The following TFCP2L1 variants were observed in gnomAD, a reference collection of about 807,000 sequenced individuals.
The protein encoded by TFCP2L1 is transcription factor CP2 like 1.
TFCP2L1 carries 12 observed loss-of-function variants against 72.2 expected under a neutral mutation model. The ratio of observed to expected loss-of-function variants is 0.17; its 90% CI spans 0.11 to 0.27. The LOEUF (loss-of-function observed/expected upper bound fraction) is 0.27, where lower values mean the gene tolerates loss of function less well. Among genes scored for constraint, TFCP2L1 ranks in the 10% least tolerant of loss-of-function variants. The pLI, the probability that TFCP2L1 is intolerant of heterozygous loss-of-function variation, is 1.00. For synonymous variants in TFCP2L1, 260 were observed against 251.0 expected (o/e 1.04, Z -0.34); for missense variants, 488 against 624.6 (o/e 0.78, Z 2.33).
At chr2:121,249,164 G>A in intron 3 of TFCP2L1, 77 bp from the exon 4 acceptor site, 1 of 1,172,390 alleles carries the variant, frequency 8.5e-7, no homozygotes, top group Non-Finnish European at 1.2e-6. Flanking sequence ...CTGAGCCACA[G>A]TAAACCCTCC....
chr2:121,231,724 T>C, intron 13 of TFCP2L1, 102 bp downstream of exon 13: 1 of 1,507,636 alleles, frequency 6.6e-7, no homozygotes, highest in Non-Finnish European at 8.9e-7. Context: ...GATGAACCTG[T>C]CTGTCACTCC....
At chr2:121,228,137 G>T (rs1686068226) in intron 13 of TFCP2L1, among the ~76,000 whole-genome samples, 1 of 152,212 alleles carries the variant, frequency 6.6e-6, no homozygotes, top group Non-Finnish European at 1.5e-5. Context: ...GAGACTTTGG[G>T]GAATGAGAAT....
intron 12 of TFCP2L1, 45 bp downstream of exon 12, chr2:121,234,046 G>T: frequency 6.5e-7 from 1 of 1,545,020 alleles, no homozygotes; most frequent in Non-Finnish European, 8.9e-7. Context: ...AAGCCAGGCT[G>T]CGGGACCCAA....
At chr2:121,234,733 CT>C (rs1231334662) in intron 11 of TFCP2L1, among the ~76,000 whole-genome samples, 3 of 152,258 alleles carry the variant, frequency 2.0e-5, no homozygotes, top group African/African-American at 7.2e-5. Flanking sequence ...GGTCCAAGTG[CT>C]CCACAGCCAC....
intron 2 of TFCP2L1, among the ~76,000 whole-genome samples, chr2:121,268,604 C>G (rs1686981176): frequency 6.6e-6 from 1 of 152,010 alleles, no homozygotes; most frequent in South Asian, 2.1e-4. Context: ...ATTCTCCAGG[C>G]TATACTGAGG....
intron 6 of TFCP2L1, among the ~76,000 whole-genome samples, chr2:121,246,431 T>G (rs1686483249): frequency 1.3e-5 from 2 of 152,120 alleles, no homozygotes; most frequent in South Asian, 4.2e-4. Flanking sequence ...GACTCTTGCT[T>G]TGATTTTTAA....
Position 121,273,317 on chromosome 2 carries a change from T to C in TFCP2L1, c.214+7803A>G, listed in dbSNP as rs148684763. 1.3e-3 allele frequency among the ~76,000 whole-genome samples: 198 copies of C among 152,196 alleles called. 2 individuals are homozygous for C. The highest frequency in any genetic ancestry group is 4.5e-3 in the African/African-American group (185 of 41,538). ...CCGGACTCCTCCTCCTCCACATCCC[T>C]TGTCATCCCTCCACACCCTCCTCAT... On this transcript the variant is annotated intron_variant, in intron 2 of 14. Coordinates refer to ENST00000263707, the MANE Select transcript of TFCP2L1 (RefSeq NM_014553.3).
intron 2 of TFCP2L1, among the ~76,000 whole-genome samples, chr2:121,280,647 G>C (rs552791480): frequency 2.4e-3 from 361 of 151,856 alleles, no homozygotes; most frequent in African/African-American, 8.4e-3. Flanking sequence ...TGTGATCCCA[G>C]CTACTTGGGA....
In TFCP2L1 at chr2:121,270,707, G is replaced by C. The variant is rs150244994; in HGVS notation, c.214+10413C>G. ...AGACATTGAAGATATTTTGTTTGGG[G>C]GAAAAAAAAAAGCAGCAGGACACAG... is the stretch of plus-strand genomic sequence containing the variant. On this transcript the variant is annotated intron_variant, in intron 2 of 14. Coordinates refer to ENST00000263707, the MANE Select transcript of TFCP2L1 (RefSeq NM_014553.3). Among the ~76,000 whole-genome samples, 75 of 151,420 alleles carry C rather than the reference G, an allele frequency of 5.0e-4. 1 individual carries two copies. The East Asian group carries it at 0.015, about 29-fold the overall frequency.
intron 1 of TFCP2L1, 131 bp downstream of exon 1, chr2:121,284,917 C>T: frequency 1.3e-6 from 1 of 785,064 alleles, no homozygotes; most frequent in Non-Finnish European, 1.8e-6. Context: ...GCGGGTCTCT[C>T]AGTCCCCAGA....
At position 121,258,493 on chromosome 2, in the gene TFCP2L1, C is replaced by T. The variant is rs572408159; in HGVS notation, c.215-8846G>A. Among the ~76,000 whole-genome samples, 5 of 152,348 alleles carry T rather than the reference C, an allele frequency of 3.3e-5. No individual in the cohort carries two copies. The South Asian group carries it at 8.3e-4, about 25-fold the overall frequency. On this transcript the variant is annotated intron_variant, in intron 2 of 14. Coordinates refer to ENST00000263707, the MANE Select transcript of TFCP2L1 (RefSeq NM_014553.3). The stretch of plus-strand genomic sequence containing the variant: ...CTTGGGGCCACCACAGAGGAAGAGG[C>T]GCACAGCTTCACCCAGTGGTGCTGT...
chr2:121,237,247 G>A lies in TFCP2L1; in HGVS notation c.1003+376C>T, dbSNP rs1448370559. Among the ~76,000 whole-genome samples, 3 of 152,246 alleles carry A rather than the reference G, an allele frequency of 2.0e-5. No homozygotes were observed. In the South Asian group the frequency reaches 6.2e-4, roughly 31 times the overall value. On this transcript the variant is annotated intron_variant, in intron 10 of 14. Coordinates refer to ENST00000263707, the MANE Select transcript of TFCP2L1 (RefSeq NM_014553.3). Reference sequence around the variant, plus strand: ...GCCTCACCTCCAGCTCCCAGGTCGTGGCTCTGGAGCCAATGTGAGGAGCAG... The same window carrying A: ...GCCTCACCTCCAGCTCCCAGGTCGTAGCTCTGGAGCCAATGTGAGGAGCAG...
intron 1 of TFCP2L1, among the ~76,000 whole-genome samples, chr2:121,281,938 CG>C (rs1325026439): frequency 8.6e-6 from 1 of 116,586 alleles, no homozygotes; most frequent in Non-Finnish European, 1.8e-5. Context: ...TTTTTTTGGG[CG>C]GGGGCGGGGG....
intron 11 of TFCP2L1, among the ~76,000 whole-genome samples, chr2:121,234,876 CG>C (rs1042973531): frequency 2.4e-4 from 37 of 152,312 alleles, no homozygotes; most frequent in Middle Eastern, 3.4e-3. Flanking sequence ...CTCCCCTCAG[CG>C]GGGGAGCAGC....
In TFCP2L1 at chr2:121,285,118, C is replaced by T; in HGVS notation, c.-9G>A. The T allele has an allele frequency of 6.7e-7, 1 of 1,497,886 alleles. No individual in the cohort carries two copies. Among genetic ancestry groups the T allele is most frequent in the Non-Finnish European group, 8.9e-7 (1 of 1,122,950 alleles). The allele number at this position is 1,497,886 out of a possible 1,614,324, so 92.8% of individuals were successfully genotyped here. A position where few individuals can be genotyped will look rare whatever the true frequency, so the allele number is the denominator to read the frequency against. ...GTGTGCCAGAAGAGCATGGCTGGAA[C>T]TCCCAGCGCGCCGACCGGGGCGCGG... is the stretch of plus-strand genomic sequence containing the variant. On this transcript the variant is annotated 5_prime_UTR_variant, in exon 1 of 15. Transcript: ENST00000263707.
intron 2 of TFCP2L1, 91 bp downstream of exon 2, chr2:121,281,029 C>G (rs1212382609): frequency 1.3e-6 from 2 of 1,563,140 alleles, no homozygotes; most frequent in South Asian, 1.1e-5. Context: ...CCTCACCCAC[C>G]GTAACAAAGT....
In TFCP2L1 at chr2:121,231,936, T is replaced by C. The variant is rs1020644785; in HGVS notation, c.1231A>G (p.Thr411Ala). ...GCGATCTTCTCAATCAGCTCCAAGG[T>C]GGTCAGCTCTTCCAGGAAGATGGCG... ...YHAIFLEELT[T>A]LELIEKIANL... is the part of the protein sequence containing the mutation. Residue 411 changes from threonine (T) to alanine (A), a missense_variant, in exon 13 of 15, where the codon ACC becomes GCC. Thr to Ala is a moderately conservative substitution (Grantham distance 58). Coordinates refer to ENST00000263707, the MANE Select transcript of TFCP2L1 (RefSeq NM_014553.3). The C allele has an allele frequency of 6.2e-7, 1 of 1,608,294 alleles. No individual in the cohort carries two copies. Among genetic ancestry groups the C allele is most frequent in the Admixed American group, 1.7e-5 (1 of 59,572 alleles).
chr2:121,227,438 G>T (rs13416053), intron 13 of TFCP2L1, among the ~76,000 whole-genome samples: 3,005 of 151,676 alleles, frequency 0.02, 115 homozygotes, highest in African/African-American at 0.067. Context: ...TCCCAGGACT[G>T]TGGGAGGCCA....
chr2:121,274,420 T>C (rs1687106616), intron 2 of TFCP2L1, among the ~76,000 whole-genome samples: 1 of 152,188 alleles, frequency 6.6e-6, no homozygotes, highest in Admixed American at 6.5e-5. Flanking sequence ...GATGACTCGA[T>C]GTACACAAGC....
Sources: gnomAD v4.1 joint callset for allele counts (sites outside exome capture counted in the v4.1 genomes callset) on GRCh38, gnomAD v4.1.1 for gene constraint, MANE v1.5 for transcripts, NCBI Gene and HGNC (gene_info 2026-07-23, HGNC 2026-07-21) for gene names.